Variants in PARD3 observed in about 807,000 individuals in gnomAD.
The protein encoded by PARD3 is par-3 family cell polarity regulator.
Under a neutral mutation model 155.4 loss-of-function variants are expected in PARD3, and 75 were observed. The observed-to-expected ratio is 0.48, with a 90% CI of 0.40 to 0.58. The LOEUF (loss-of-function observed/expected upper bound fraction) is 0.58. Among genes scored for constraint, PARD3 ranks in the 20% least tolerant of loss-of-function variants. The pLI, the probability that PARD3 is intolerant of heterozygous loss-of-function variation, is 0.00. For missense variants in PARD3, 1,642 were observed against 1,721.7 expected, an observed-to-expected ratio of 0.95 and a Z score of 0.82; for synonymous variants, 576 against 610.5, an observed-to-expected ratio of 0.94 and a Z score of 0.83.
intron 23 of PARD3, among the ~76,000 whole-genome samples, chr10:34,130,737 A>T (rs1346822733): frequency 6.6e-6 from 1 of 152,136 alleles, no homozygotes; most frequent in Non-Finnish European, 1.5e-5. Context: ...TTCAACAAAC[A>T]CACATGGGGG....
At chr10:34,660,521 G>A (rs896935905) in intron 2 of PARD3, among the ~76,000 whole-genome samples, 1 of 152,062 alleles carries the variant, frequency 6.6e-6, no homozygotes, top group African/African-American at 2.4e-5. Context: ...GGGTTTAAGG[G>A]AGCCTCGGAG....
At chr10:34,386,789 TCCAG>T (rs1388155437) in intron 7 of PARD3, among the ~76,000 whole-genome samples, 1 of 144,650 alleles carries the variant, frequency 6.9e-6, no homozygotes, top group Admixed American at 7.1e-5. Flanking sequence ...GCCACTGCAC[TCCAG>T]CCTGGGCAAC....
intron 1 of PARD3, among the ~76,000 whole-genome samples, chr10:34,728,540 A>C (rs564440838): frequency 1.8e-4 from 28 of 152,178 alleles, no homozygotes; most frequent in Middle Eastern, 3.4e-3. Flanking sequence ...ACCTCAAAGT[A>C]CTCTCCACTT....
intron 22 of PARD3, among the ~76,000 whole-genome samples, chr10:34,232,681 C>G (rs1952994689): frequency 6.6e-6 from 1 of 152,212 alleles, no homozygotes; most frequent in African/African-American, 2.4e-5. Context: ...TTGTTGCCTC[C>G]TGGCAGGTAT....
chr10:34,428,568 C>T (rs2075741501), intron 5 of PARD3, among the ~76,000 whole-genome samples: 1 of 152,120 alleles, frequency 6.6e-6, no homozygotes, highest in Non-Finnish European at 1.5e-5. Flanking sequence ...TATTAGTGCA[C>T]AAATTAATTC....
At chr10:34,145,227 T>TTTTTTATTTA (rs1948445391) in intron 22 of PARD3, among the ~76,000 whole-genome samples, 3 of 101,536 alleles carry the variant, frequency 3.0e-5, no homozygotes, top group Admixed American at 9.5e-5. Flanking sequence ...ATATATTTTT[T>TTTTTTATTTA]TTTTTTTTTT....
intron 2 of PARD3, among the ~76,000 whole-genome samples, chr10:34,565,667 T>C (rs1246643005): frequency 1.3e-5 from 2 of 152,158 alleles, no homozygotes; most frequent in East Asian, 3.9e-4. Flanking sequence ...TGATGCACAG[T>C]GTGCCTCACA....
chr10:34,199,035 T>C (rs1346332423), intron 22 of PARD3, among the ~76,000 whole-genome samples: 4 of 152,108 alleles, frequency 2.6e-5, no homozygotes, highest in Non-Finnish European at 4.4e-5. Context: ...GGGCAGAACC[T>C]AAGCACTGGG....
At chr10:34,329,193 A>C (rs1468470147) in intron 19 of PARD3, among the ~76,000 whole-genome samples, 1 of 152,228 alleles carries the variant, frequency 6.6e-6, no homozygotes, top group Non-Finnish European at 1.5e-5. Context: ...CTATCCCTAC[A>C]GAATTAAAAA....
intron 1 of PARD3, among the ~76,000 whole-genome samples, chr10:34,758,315 G>A (rs1372724730): frequency 6.6e-6 from 1 of 152,154 alleles, no homozygotes; most frequent in African/African-American, 2.4e-5. Context: ...ATCCCTTCAA[G>A]AAAGGTAGTA....
intron 2 of PARD3, among the ~76,000 whole-genome samples, chr10:34,538,729 G>T (rs921161608): frequency 4.6e-5 from 7 of 152,254 alleles, no homozygotes; most frequent in Non-Finnish European, 1.0e-4. Flanking sequence ...GAGTCACCGG[G>T]ACAGGAGCCT....
intron 9 of PARD3, among the ~76,000 whole-genome samples, chr10:34,381,265 T>G (rs1314759042): frequency 6.6e-6 from 1 of 152,186 alleles, no homozygotes; most frequent in Non-Finnish European, 1.5e-5. Context: ...AACAGCCACA[T>G]GACCTGAGGA....
intron 22 of PARD3, among the ~76,000 whole-genome samples, chr10:34,261,804 A>AGAAAGAAG (rs1554820319): frequency 6.7e-6 from 1 of 149,128 alleles, no homozygotes; most frequent in Non-Finnish European, 1.5e-5. Context: ...AAAGAAAGAA[A>AGAAAGAAG]GAAAGAAAGA....
At chr10:34,659,724 A>G (rs184367079) in intron 2 of PARD3, among the ~76,000 whole-genome samples, 3 of 152,300 alleles carry the variant, frequency 2.0e-5, no homozygotes, top group Admixed American at 2.0e-4. Flanking sequence ...TCCACTCAGG[A>G]TAATACTATT....
chr10:34,386,192 C>T (rs7914747), intron 7 of PARD3, among the ~76,000 whole-genome samples: 6,211 of 151,990 alleles, frequency 0.041, 407 homozygotes, highest in African/African-American at 0.14. Flanking sequence ...GTAATTTTAG[C>T]GTTGAGAATC....
At chr10:34,548,466 T>G (rs1281317674) in intron 2 of PARD3, among the ~76,000 whole-genome samples, 3 of 152,152 alleles carry the variant, frequency 2.0e-5, no homozygotes, top group African/African-American at 7.2e-5. Context: ...ACCACTGCAC[T>G]GCAGCCTGGG....
At chr10:34,511,361 T>C (rs1386400988) in intron 3 of PARD3, among the ~76,000 whole-genome samples, 2 of 152,230 alleles carry the variant, frequency 1.3e-5, no homozygotes, top group East Asian at 3.8e-4. Context: ...ACTGTCTTAG[T>C]TCATTTTGTC....
At chr10:34,284,366 C>T (rs1457919738) in intron 20 of PARD3, 121 bp from the exon 21 acceptor site, 3 of 582,110 alleles carry the variant, frequency 5.2e-6, no homozygotes, top group African/African-American at 1.9e-5. Context: ...GATCAGGTGT[C>T]TTCTGCAGTC....
At chr10:34,646,644 A>G (rs1220652713) in intron 2 of PARD3, among the ~76,000 whole-genome samples, 1 of 152,198 alleles carries the variant, frequency 6.6e-6, no homozygotes, top group Non-Finnish European at 1.5e-5. Context: ...AGCGTTTCCC[A>G]CATCACATCT....
Sources: gnomAD v4.1 joint callset for allele counts (sites outside exome capture counted in the v4.1 genomes callset) on GRCh38, gnomAD v4.1.1 for gene constraint, MANE v1.5 for transcripts, NCBI Gene and HGNC (gene_info 2026-07-23, HGNC 2026-07-21) for gene names.